AIG1: variants seen among roughly 807,000 people sequenced by gnomAD.
The protein encoded by AIG1 is androgen induced 1.
AIG1 carries 23 observed loss-of-function variants against 31.4 expected under a neutral mutation model. That is an observed-to-expected ratio of 0.73 (90% CI 0.53 to 1.04). AIG1 has a LOEUF of 1.04. AIG1 is among the 50% of genes least tolerant of loss of function. AIG1 has a pLI of 0.00. For synonymous variants in AIG1, 100 were observed against 110.5 expected (o/e 0.90, Z 0.60); for missense variants, 274 against 295.0 (o/e 0.93, Z 0.52).
intron 2 of AIG1, among the ~76,000 whole-genome samples, chr6:143,161,885 A>G (rs191758442): frequency 2.1e-4 from 32 of 152,274 alleles, no homozygotes; most frequent in Non-Finnish European, 2.1e-4. Context: ...TAAGATAGAG[A>G]TGAAGGCAAG....
chr6:143,174,872 G>GT (rs534603752), intron 3 of AIG1, among the ~76,000 whole-genome samples: 4 of 151,914 alleles, frequency 2.6e-5, no homozygotes, highest in South Asian at 2.1e-4. Flanking sequence ...TGAATACCTT[G>GT]TTTTTTTCAT....
chr6:143,165,631 C>G (rs1484322346), intron 3 of AIG1, among the ~76,000 whole-genome samples: 1 of 152,176 alleles, frequency 6.6e-6, no homozygotes, highest in Non-Finnish European at 1.5e-5. Flanking sequence ...AGATGGGCAG[C>G]AAGGCTGTGA....
intron 1 of AIG1, chr6:143,061,384 C>A (rs1341752966): frequency 6.6e-6 from 3 of 454,734 alleles, no homozygotes; most frequent in Non-Finnish European, 1.3e-5. Context: ...AGAGGTGACA[C>A]GGGAAGAATC....
intron 3 of AIG1, among the ~76,000 whole-genome samples, chr6:143,169,942 C>G (rs183058094): frequency 1.3e-5 from 2 of 152,068 alleles, no homozygotes; most frequent in African/African-American, 4.8e-5. Context: ...CCTTTCATCT[C>G]TGGGATAAAT....
chr6:143,261,340 C>G (rs1032105491), intron 3 of AIG1, among the ~76,000 whole-genome samples: 2 of 152,186 alleles, frequency 1.3e-5, no homozygotes, highest in Non-Finnish European at 2.9e-5. Context: ...CCATGTTGAC[C>G]AAGCTGGTCT....
At chr6:143,112,155 T>G (rs553133112) in intron 1 of AIG1, among the ~76,000 whole-genome samples, 1 of 152,246 alleles carries the variant, frequency 6.6e-6, no homozygotes, top group Admixed American at 6.5e-5. Flanking sequence ...ACACTACCCC[T>G]TTTCACCTGC....
At chr6:143,099,618 T>C (rs1315930697) in intron 1 of AIG1, 2 of 152,154 alleles carry the variant, frequency 1.3e-5, no homozygotes, top group African/African-American at 2.4e-5. Flanking sequence ...AAACAAAATA[T>C]TGTGTTGGTT....
At chr6:143,197,898 C>G (rs1427581016) in intron 3 of AIG1, among the ~76,000 whole-genome samples, 1 of 152,168 alleles carries the variant, frequency 6.6e-6, no homozygotes, top group Non-Finnish European at 1.5e-5. Flanking sequence ...GGAGATAGAT[C>G]ATATTTTTCA....
At chr6:143,227,554 G>C (rs1793087408) in intron 3 of AIG1, among the ~76,000 whole-genome samples, 1 of 152,176 alleles carries the variant, frequency 6.6e-6, no homozygotes, top group African/African-American at 2.4e-5. Context: ...CAGGCTTTTA[G>C]GGCCTAAAAT....
intron 3 of AIG1, among the ~76,000 whole-genome samples, chr6:143,207,683 G>T (rs1791234430): frequency 6.6e-6 from 1 of 152,120 alleles, no homozygotes. Context: ...GTCATAGAAG[G>T]TGAGTTCTTC....
At chr6:143,077,615 T>A (rs1777852042) in intron 1 of AIG1, among the ~76,000 whole-genome samples, 1 of 152,210 alleles carries the variant, frequency 6.6e-6, no homozygotes, top group Non-Finnish European at 1.5e-5. Flanking sequence ...GCCTTTATAT[T>A]TTTTTCCTCA....
intron 1 of AIG1, among the ~76,000 whole-genome samples, chr6:143,095,964 T>G (rs1779740456): frequency 6.8e-6 from 1 of 147,194 alleles, no homozygotes; most frequent in African/African-American, 2.5e-5. Flanking sequence ...TGGAGTGCAG[T>G]GGCACGATCT....
Position 143,061,053 on chromosome 6 carries a change from C to A in AIG1, c.128C>A (p.Thr43Lys). ...QTYGGSWKFL[T>K]FIDLVIQAVF... ...TACGGAGGGAGCTGGAAATTCCTGA[C>A]GTTCATTGATCTGGTAAGGCCGTCC... The change falls in exon 1 of 6, where the codon ACG becomes AAG. Residue 43 changes from threonine (T) to lysine (K), a missense_variant. By Grantham distance (78) the Thr-to-Lys change is moderately conservative. Around this residue, in one of 2 missense-constraint regions of AIG1, gnomAD observed 243 missense variants for 238.5 expected, o/e 1.02. Transcript: ENST00000357847. 6.2e-7 allele frequency: 1 copy of A among 1,613,154 alleles called. No individual in the cohort carries two copies. The highest frequency in any genetic ancestry group is 8.5e-7 in the Non-Finnish European group (1 of 1,179,522).
chr6:143,274,274 C>T (rs1255808732), intron 3 of AIG1, among the ~76,000 whole-genome samples: 1 of 152,152 alleles, frequency 6.6e-6, no homozygotes, highest in Non-Finnish European at 1.5e-5. Flanking sequence ...GTCAAACTGC[C>T]CAAGTCTGAG....
At chr6:143,097,854 T>C (rs1779933076) in intron 1 of AIG1, among the ~76,000 whole-genome samples, 1 of 152,214 alleles carries the variant, frequency 6.6e-6, no homozygotes, top group South Asian at 2.1e-4. Context: ...GAAACTCTAC[T>C]ATACTTTCTC....
At chr6:143,272,437 G>T (rs1796591818) in intron 3 of AIG1, among the ~76,000 whole-genome samples, 1 of 152,102 alleles carries the variant, frequency 6.6e-6, no homozygotes, top group African/African-American at 2.4e-5. Context: ...TGGCTCTCAG[G>T]TCACTATGGT....
intron 3 of AIG1, among the ~76,000 whole-genome samples, chr6:143,240,679 C>G (rs1211867817): frequency 1.3e-5 from 2 of 152,236 alleles, no homozygotes; most frequent in East Asian, 3.9e-4. Flanking sequence ...AATTTCCAAT[C>G]TGTCATGAAC....
At chr6:143,155,453 G>A (rs372926139) in intron 2 of AIG1, among the ~76,000 whole-genome samples, 6 of 152,082 alleles carry the variant, frequency 3.9e-5, no homozygotes, top group African/African-American at 7.2e-5. Flanking sequence ...GGTGGGAGGC[G>A]TTCTAGGGAA....
chr6:143,066,320 A>G (rs1331010015), intron 1 of AIG1, among the ~76,000 whole-genome samples: 1 of 151,754 alleles, frequency 6.6e-6, no homozygotes, highest in African/African-American at 2.4e-5. Flanking sequence ...TCTGTCACCC[A>G]GGCGAGTGCA....
Sources: gnomAD v4.1 joint callset for allele counts (sites outside exome capture counted in the v4.1 genomes callset) on GRCh38, gnomAD v4.1.1 for gene constraint, gnomAD v4.1.1 regional missense constraint, MANE v1.5 for transcripts, NCBI Gene and HGNC (gene_info 2026-07-23, HGNC 2026-07-21) for gene names.